The following TSBP1 variants were observed in gnomAD, a reference collection of about 807,000 sequenced individuals.
TSBP1 encodes the protein testis-expressed basic protein 1.
TSBP1 carries 56 observed loss-of-function variants against 68.8 expected under a neutral mutation model. The observed-to-expected ratio is 0.81, with a 90% CI of 0.66 to 1.02. TSBP1 has a LOEUF of 1.02. Among genes scored for constraint, TSBP1 ranks in the 50% least tolerant of loss-of-function variants. The probability of loss-of-function intolerance (pLI) is 0.00; values close to 1 mark genes in which losing one functional copy is unlikely to be tolerated. For missense variants in TSBP1, 502 were observed against 641.2 expected (o/e 0.78, Z 2.34); for synonymous variants, 171 against 208.7 (o/e 0.82, Z 1.56).
rs1766754604 is a variant in TSBP1, at chr6:32,314,567, C to T, written c.580+1205G>A. Reference sequence around the variant, plus strand: ...TACTTAGCTGATCAGCCTCTTTGCTCAGGCTTCAGAAAGGTATGTGGATAG... The same window carrying T: ...TACTTAGCTGATCAGCCTCTTTGCTTAGGCTTCAGAAAGGTATGTGGATAG... On this transcript the variant is annotated intron_variant, in intron 19 of 22. Transcript: ENST00000612031. The surrounding 1 kb of genome is among the most constrained non-coding windows in gnomAD (Gnocchi z 4.2). 6.6e-6 allele frequency among the ~76,000 whole-genome samples: 1 copy of T among 152,216 alleles called. No individual in the cohort carries two copies. Among genetic ancestry groups the T allele is most frequent in the Non-Finnish European group, 1.5e-5 (1 of 68,034 alleles).
rs915782171 is a variant in TSBP1, at chr6:32,302,186, C to T, written c.601+423G>A. ...TAAAATATTTGGCTGGGCATGGTGG[C>T]TTATACCTGTAATCCCAGCACTTTA... On this transcript the variant is annotated intron_variant, in intron 20 of 22. Coordinates refer to ENST00000612031, the Ensembl canonical transcript of TSBP1. This position sits in a 1 kb window ranked among gnomAD's most constrained non-coding sequence, Gnocchi z 5.1. Among the ~76,000 whole-genome samples, 1 of 152,066 alleles carries T rather than the reference C, an allele frequency of 6.6e-6. No individual in the cohort carries two copies. Among genetic ancestry groups the T allele is most frequent in the African/African-American group, 2.4e-5 (1 of 41,404 alleles).
Position 32,349,479 on chromosome 6 carries a change from T to G in TSBP1, c.349+261A>C, listed in dbSNP as rs1338931077. ...TTTTCTTACTAACTTTTTGCTCTTA[T>G]CCTTTATTTACTCTGTTTTTCCAAC... is the stretch of plus-strand genomic sequence containing the variant. On this transcript the variant is annotated intron_variant, in intron 9 of 22. Transcript: ENST00000612031. 10 of 402,592 alleles carry G rather than the reference T, an allele frequency of 2.5e-5. No homozygotes were observed. The Admixed American group carries it at 2.9e-4, about 12-fold the overall frequency. 24.9% of individuals were successfully genotyped at this position (402,592 alleles called of 1,614,324 possible).
intron 19 of TSBP1, among the ~76,000 whole-genome samples, chr6:32,311,564 G>A (rs920289767): frequency 3.9e-5 from 6 of 152,240 alleles, no homozygotes; most frequent in Non-Finnish European, 5.9e-5. Context: ...GGTGCTGCTC[G>A]CCGGCCTTGA....
intron 7 of TSBP1, 43 bp from the exon 8 acceptor site, chr6:32,355,187 T>C (rs997922873): frequency 6.2e-5 from 100 of 1,601,508 alleles, no homozygotes; most frequent in Non-Finnish European, 8.0e-5. Flanking sequence ...TCATGAGAGT[T>C]TGGATCCCTA....
At chr6:32,312,648 C>T (rs1354275627) in intron 19 of TSBP1, among the ~76,000 whole-genome samples, 1 of 152,192 alleles carries the variant, frequency 6.6e-6, no homozygotes, top group Non-Finnish European at 1.5e-5. Context: ...TATAAATCTG[C>T]TCTTCTCCAC....
At position 32,315,661 on chromosome 6, in the gene TSBP1, G is replaced by A; in HGVS notation, c.580+111C>T. 4.4e-6 allele frequency: 3 copies of A among 681,902 alleles called. No homozygotes were observed. The highest frequency in any genetic ancestry group is 7.1e-6 in the Non-Finnish European group (3 of 424,166). The allele number at this position is 681,902 out of a possible 1,614,324, so 42.2% of individuals were successfully genotyped here. A position where few individuals can be genotyped will look rare whatever the true frequency, so the allele number is the denominator to read the frequency against. On this transcript the variant is annotated intron_variant, in intron 19 of 22. Transcript: ENST00000612031. The surrounding 1 kb of genome is among the most constrained non-coding windows in gnomAD (Gnocchi z 5.4). ...CCTAATCTGGAGGACTTTGGGTAAT[G>A]TAGAAGCAAATGAATATGAGAAATA...
intron 16 of TSBP1, among the ~76,000 whole-genome samples, chr6:32,327,666 C>CTTTCTTTTT (rs1768389286): frequency 5.9e-5 from 5 of 84,124 alleles, no homozygotes; most frequent in East Asian, 3.6e-4. Context: ...TTTTTTTTTT[C>CTTTCTTTTT]TTTTTGAGAC....
At position 32,340,826 on chromosome 6, in the gene TSBP1, C is replaced by G. The variant is rs1317960143; in HGVS notation, c.350-1188G>C. ...TTTCTTTTTTTTTTTGAGACAATCTCTCTCTGTCACCCAGACTGGAGTGCA... is the reference window on the plus strand; with the variant it reads ...TTTCTTTTTTTTTTTGAGACAATCTGTCTCTGTCACCCAGACTGGAGTGCA... On this transcript the variant is annotated intron_variant, in intron 9 of 22. Transcript: ENST00000612031. The surrounding 1 kb of genome is among the most constrained non-coding windows in gnomAD (Gnocchi z 4.8). Among the ~76,000 whole-genome samples, 1 of 151,176 alleles carries G rather than the reference C, an allele frequency of 6.6e-6. No homozygotes were observed. Among genetic ancestry groups the G allele is most frequent in the Non-Finnish European group, 1.5e-5 (1 of 67,858 alleles).
chr6:32,355,295 C>A (rs1772177149), intron 7 of TSBP1, 151 bp from the exon 8 acceptor site: 1 of 745,230 alleles, frequency 1.3e-6, no homozygotes, highest in South Asian at 1.7e-5. Context: ...GTACTGACAG[C>A]CACTCCCACC....
intron 8 of TSBP1, among the ~76,000 whole-genome samples, chr6:32,354,330 T>C (rs1772035150): frequency 6.6e-6 from 1 of 152,060 alleles, no homozygotes; most frequent in African/African-American, 2.4e-5. Context: ...TATGAGAAGA[T>C]ACTCAATTTC....
At chr6:32,295,813 G>A (rs964690885) in intron 22 of TSBP1, among the ~76,000 whole-genome samples, 1 of 151,548 alleles carries the variant, frequency 6.6e-6, no homozygotes, top group African/African-American at 2.4e-5. Context: ...TAATTTACAG[G>A]AGTGGTTAAT....
At position 32,306,633 on chromosome 6, in the gene TSBP1, G is replaced by A. The variant is rs2127570066; in HGVS notation, c.581-4004C>T. Among the ~76,000 whole-genome samples the A allele has an allele frequency of 6.6e-6, 1 of 152,344 alleles. No homozygotes were observed. The highest frequency in any genetic ancestry group is 2.4e-5 in the African/African-American group (1 of 41,582). On this transcript the variant is annotated intron_variant, in intron 19 of 22. Transcript: ENST00000612031. This position sits in a 1 kb window ranked among gnomAD's most constrained non-coding sequence, Gnocchi z 5.1. ...TTGTTTCCATTAGGAAGCCAGCAAT[G>A]TAAAGCATATGAACTTAAGCCTTTA...
At chr6:32,344,202 T>C (rs898411795) in intron 9 of TSBP1, among the ~76,000 whole-genome samples, 1 of 151,008 alleles carries the variant, frequency 6.6e-6, no homozygotes, top group Non-Finnish European at 1.5e-5. Flanking sequence ...GTGTGCTGCA[T>C]CCATTAACTC....
chr6:32,318,467 A>G (rs1767213844), intron 18 of TSBP1, among the ~76,000 whole-genome samples: 1 of 152,238 alleles, frequency 6.6e-6, no homozygotes, highest in African/African-American at 2.4e-5. Flanking sequence ...AAATAAAGAA[A>G]GCAAGTTGAT....
intron 16 of TSBP1, chr6:32,326,262 A>G (rs1768207141): frequency 1.2e-6 from 1 of 842,920 alleles, no homozygotes; most frequent in Admixed American, 2.0e-5. Flanking sequence ...GAACTCAGCC[A>G]AGCACAGTGG....
intron 19 of TSBP1, among the ~76,000 whole-genome samples, chr6:32,308,597 CAAAAA>C (rs9279570): frequency 9.2e-6 from 1 of 108,588 alleles, no homozygotes; most frequent in Non-Finnish European, 1.8e-5. Flanking sequence ...GACTCCGTCT[CAAAAA>C]AAAAAAAAAA....
At position 32,371,845 on chromosome 6, in the gene TSBP1, G is replaced by C. The variant is rs1004038457; in HGVS notation, c.-139C>G. On this transcript the variant is annotated 5_prime_UTR_variant, in exon 1 of 23. The change creates a new upstream start codon in the 5' untranslated region. Transcript: ENST00000612031. ...TGTCAGGGAGGCCCTTGTAGGCAGA[G>C]ATGCAGAGGATCACTGAGAAATTGT... is the stretch of plus-strand genomic sequence containing the variant. 14 of 854,842 alleles carry C rather than the reference G, an allele frequency of 1.6e-5. No individual in the cohort carries two copies. The highest frequency in any genetic ancestry group is 6.6e-5 in the African/African-American group (4 of 60,584). The allele number at this position is 854,842 out of a possible 1,614,324, so 53.0% of individuals were successfully genotyped here.
chr6:32,316,306 G>T lies in TSBP1; in HGVS notation c.560-514C>A. ...CATGTAGGGTAATAAGGAAGCAAGG[G>T]AATAATGGGAACCACAAATCACTTT... On this transcript the variant is annotated intron_variant, in intron 18 of 22. Transcript: ENST00000612031. The surrounding 1 kb of genome is among the most constrained non-coding windows in gnomAD (Gnocchi z 4.5). 9.4e-7 allele frequency: 1 copy of T among 1,060,448 alleles called. No individual in the cohort carries two copies. Among genetic ancestry groups the T allele is most frequent in the Non-Finnish European group, 1.4e-6 (1 of 712,502 alleles). 65.7% of individuals were successfully genotyped at this position (1,060,448 alleles called of 1,614,324 possible).
chr6:32,368,737 T>C (rs974935036), intron 3 of TSBP1, 45 bp downstream of exon 3: 5 of 1,515,396 alleles, frequency 3.3e-6, no homozygotes, highest in African/African-American at 2.8e-5. Flanking sequence ...TTGTGAAAAT[T>C]CTATAAGTAC....
Sources: gnomAD v4.1 joint callset for allele counts (sites outside exome capture counted in the v4.1 genomes callset) on GRCh38, gnomAD v4.1.1 for gene constraint, Gnocchi (gnomAD v3.1) non-coding constraint, MANE v1.5 for transcripts, NCBI Gene and HGNC (gene_info 2026-07-23, HGNC 2026-07-21) for gene names.